The following SH3GL2 variants were observed in gnomAD, a reference collection of about 807,000 sequenced individuals.
The protein encoded by SH3GL2 is endophilin-A1.
Under a neutral mutation model 46.0 loss-of-function variants are expected in SH3GL2, and 24 were observed. That is an observed-to-expected ratio of 0.52 (90% CI 0.38 to 0.73). The LOEUF (loss-of-function observed/expected upper bound fraction) is 0.73, where lower values mean the gene tolerates loss of function less well. Ranked by LOEUF, SH3GL2 falls within the 30% of genes least tolerant of loss-of-function variation. The pLI is 0.00. For synonymous variants in SH3GL2, 196 were observed against 147.1 expected, an observed-to-expected ratio of 1.33 and a Z score of -2.40; for missense variants, 413 against 424.2, an observed-to-expected ratio of 0.97 and a Z score of 0.23.
chr9:17,735,275 G>A (rs1248605685), intron 1 of SH3GL2, among the ~76,000 whole-genome samples: 1 of 152,092 alleles, frequency 6.6e-6, no homozygotes, highest in Admixed American at 6.6e-5. Flanking sequence ...AGAAAAGGAA[G>A]CCATTAGTGC....
At chr9:17,614,295 GAAA>G (rs3084628) in intron 1 of SH3GL2, among the ~76,000 whole-genome samples, 2,367 of 70,294 alleles carry the variant, frequency 0.034, 48 homozygotes, top group Middle Eastern at 0.071. Context: ...CATGGTTTCT[GAAA>G]AAAAAAAAAA....
intron 1 of SH3GL2, among the ~76,000 whole-genome samples, chr9:17,718,022 C>G (rs180779153): frequency 9.2e-4 from 140 of 152,176 alleles, no homozygotes; most frequent in Non-Finnish European, 1.8e-3. Context: ...GGGCTTGGCT[C>G]TTGTAAAAGA....
chr9:17,748,183 C>T (rs912487548), intron 2 of SH3GL2, among the ~76,000 whole-genome samples: 2 of 152,034 alleles, frequency 1.3e-5, no homozygotes, highest in African/African-American at 2.4e-5. Flanking sequence ...TTTACTTTAA[C>T]GCTCTTCAGA....
At chr9:17,624,167 T>C (rs935022127) in intron 1 of SH3GL2, among the ~76,000 whole-genome samples, 3 of 152,226 alleles carry the variant, frequency 2.0e-5, no homozygotes, top group Non-Finnish European at 4.4e-5. Context: ...CAATCTCAGT[T>C]GGAATATTGC....
intron 1 of SH3GL2, among the ~76,000 whole-genome samples, chr9:17,639,000 G>A (rs1819611546): frequency 6.6e-6 from 1 of 152,162 alleles, no homozygotes; most frequent in Admixed American, 6.5e-5. Flanking sequence ...TTAAAATTCT[G>A]ATTAAGAAAC....
chr9:17,580,561 T>A (rs151005892), intron 1 of SH3GL2, among the ~76,000 whole-genome samples: 1 of 152,332 alleles, frequency 6.6e-6, no homozygotes, highest in African/African-American at 2.4e-5. Flanking sequence ...GTAAGACTAT[T>A]TCTGTAAAAA....
At chr9:17,786,728 C>A (rs142729619) in intron 4 of SH3GL2, among the ~76,000 whole-genome samples, 4 of 152,058 alleles carry the variant, frequency 2.6e-5, no homozygotes, top group African/African-American at 4.8e-5. Flanking sequence ...CTTCCCACCC[C>A]CCCCACTATA....
intron 1 of SH3GL2, among the ~76,000 whole-genome samples, chr9:17,582,456 C>G (rs765858433): frequency 3.9e-5 from 6 of 152,118 alleles, no homozygotes; most frequent in Non-Finnish European, 8.8e-5. Flanking sequence ...AAAGTCATGT[C>G]AGTTTTTTTA....
At chr9:17,715,221 A>T (rs535209069) in intron 1 of SH3GL2, among the ~76,000 whole-genome samples, 22 of 139,704 alleles carry the variant, frequency 1.6e-4, no homozygotes, top group Non-Finnish European at 2.3e-4. Flanking sequence ...ATGGGTTCTC[A>T]CTTTGTTGCT....
At chr9:17,782,307 C>T (rs748796251) in intron 3 of SH3GL2, among the ~76,000 whole-genome samples, 17 of 152,192 alleles carry the variant, frequency 1.1e-4, no homozygotes, top group Non-Finnish European at 1.9e-4. Context: ...AAAATAAGAG[C>T]CTTTTTTCTG....
chr9:17,611,880 T>G (rs759656892), intron 1 of SH3GL2, among the ~76,000 whole-genome samples: 31 of 151,858 alleles, frequency 2.0e-4, no homozygotes, highest in Middle Eastern at 3.5e-3. Flanking sequence ...GGAATCGTAA[T>G]GACAACTTGC....
At chr9:17,753,701 C>T (rs756480323) in intron 2 of SH3GL2, among the ~76,000 whole-genome samples, 7 of 152,020 alleles carry the variant, frequency 4.6e-5, no homozygotes, top group South Asian at 2.1e-4. Context: ...TGTTAATTTT[C>T]GCCTTGGTTG....
At chr9:17,599,414 T>A (rs1818629111) in intron 1 of SH3GL2, among the ~76,000 whole-genome samples, 1 of 152,232 alleles carries the variant, frequency 6.6e-6, no homozygotes, top group Admixed American at 6.5e-5. Flanking sequence ...AAGGGTACAG[T>A]GCCAAATGGC....
chr9:17,785,351 T>G (rs750157925), intron 3 of SH3GL2, among the ~76,000 whole-genome samples: 1 of 152,190 alleles, frequency 6.6e-6, no homozygotes, highest in Non-Finnish European at 1.5e-5. Flanking sequence ...ATTGTCGTGC[T>G]CATTGTAATA....
At chr9:17,698,909 C>T (rs1286142715) in intron 1 of SH3GL2, among the ~76,000 whole-genome samples, 2 of 152,082 alleles carry the variant, frequency 1.3e-5, no homozygotes, top group African/African-American at 4.8e-5. Context: ...GTAATCCCAG[C>T]TCTTTGGGAG....
intron 1 of SH3GL2, among the ~76,000 whole-genome samples, chr9:17,598,560 C>G (rs1490586901): frequency 6.6e-6 from 1 of 152,162 alleles, no homozygotes; most frequent in Non-Finnish European, 1.5e-5. Flanking sequence ...CCGACCTGCC[C>G]ACTTCATGTC....
intron 1 of SH3GL2, among the ~76,000 whole-genome samples, chr9:17,620,928 C>G (rs894235672): frequency 1.3e-5 from 2 of 152,114 alleles, no homozygotes; most frequent in Non-Finnish European, 1.5e-5. Context: ...AGCTTTGAAG[C>G]TCACCAAATA....
chr9:17,791,578 G>A (rs1273684483), intron 7 of SH3GL2, among the ~76,000 whole-genome samples: 4 of 152,186 alleles, frequency 2.6e-5, no homozygotes, highest in Non-Finnish European at 5.9e-5. Flanking sequence ...GCTGCCACAG[G>A]TGGAACACCA....
intron 2 of SH3GL2, chr9:17,755,698 A>C (rs189307974): frequency 2.7e-6 from 2 of 740,714 alleles, no homozygotes; most frequent in African/African-American, 3.8e-5. Context: ...CTGCTACAGC[A>C]TCTGGTATAA....
Sources: allele counts gnomAD v4.1 joint callset (sites outside exome capture counted in the v4.1 genomes callset), GRCh38; gene constraint gnomAD v4.1.1; transcripts MANE v1.5; gene names NCBI Gene and HGNC (gene_info 2026-07-23, HGNC 2026-07-21).